Variants in TRNAU1AP observed in about 807,000 individuals in gnomAD.
TRNAU1AP encodes tRNA selenocysteine 1-associated protein 1.
Under a neutral mutation model 43.3 loss-of-function variants are expected in TRNAU1AP, and 33 were observed. The observed-to-expected ratio is 0.76, with a 90% CI of 0.58 to 1.02. The LOEUF (loss-of-function observed/expected upper bound fraction) is 1.02. Ranked by LOEUF, TRNAU1AP falls within the 50% of genes least tolerant of loss-of-function variation. The pLI is 0.00. For synonymous variants in TRNAU1AP, 143 were observed against 129.1 expected (o/e 1.11, Z -0.73); for missense variants, 290 against 362.7 (o/e 0.80, Z 1.63).
At chr1:28,563,661 G>T (rs565437916) in intron 4 of TRNAU1AP, among the ~76,000 whole-genome samples, 2 of 151,968 alleles carry the variant, frequency 1.3e-5, no homozygotes, top group African/African-American at 2.4e-5. Context: ...TCCAGCTTAG[G>T]GGACAGAGCG....
At position 28,577,773 on chromosome 1, in the gene TRNAU1AP, C is replaced by T. The variant is rs1665832178; in HGVS notation, c.*137C>T. The T allele has an allele frequency of 5.0e-5, 47 of 938,988 alleles. No homozygotes were observed. The highest frequency in any genetic ancestry group is 7.5e-5 in the Non-Finnish European group (47 of 629,534). 58.2% of individuals were successfully genotyped at this position (938,988 alleles called of 1,614,324 possible). ...TTTTTGGAGATCATGAATGTTTCTA[C>T]AACACTGCTGCATTCATTTGACCAT... On this transcript the variant is annotated 3_prime_UTR_variant, in exon 9 of 9. Coordinates refer to ENST00000373830, the MANE Select transcript of TRNAU1AP (RefSeq NM_017846.5).
At chr1:28,557,523 A>ACTATATT (rs1168875389) in intron 2 of TRNAU1AP, among the ~76,000 whole-genome samples, 1 of 145,522 alleles carries the variant, frequency 6.9e-6, no homozygotes, top group African/African-American at 2.6e-5. Context: ...TGTCACCCAG[A>ACTATATT]CTATATTACA....
At chr1:28,553,330 G>T in intron 1 of TRNAU1AP, 193 bp downstream of exon 1, 3 of 748,462 alleles carry the variant, frequency 4.0e-6, no homozygotes, top group Non-Finnish European at 6.5e-6. Context: ...AGGGGTCCTG[G>T]GGCCCCACCT....
At chr1:28,575,461 TTTTG>T (rs1157398853) in intron 8 of TRNAU1AP, among the ~76,000 whole-genome samples, 2 of 150,976 alleles carry the variant, frequency 1.3e-5, no homozygotes, top group Non-Finnish European at 2.9e-5. Flanking sequence ...CAATGTTTTT[TTTTG>T]TTTTTTTTTT....
intron 1 of TRNAU1AP, 68 bp downstream of exon 1, chr1:28,553,205 T>A (rs1665174351): frequency 3.5e-6 from 5 of 1,417,248 alleles, no homozygotes; most frequent in Non-Finnish European, 4.7e-6. Context: ...AGAGGAAGGA[T>A]CTGAGTGGGA....
intron 5 of TRNAU1AP, among the ~76,000 whole-genome samples, chr1:28,566,711 A>G (rs1473881529): frequency 6.6e-6 from 1 of 151,792 alleles, no homozygotes; most frequent in East Asian, 1.9e-4. Context: ...GTGAGCCGAG[A>G]TCACGCCATT....
rs1665837278 is a variant in TRNAU1AP at position 28,577,939 on chromosome 1, C to T, written c.*303C>T. ...GGGATGAGCAGCTTGGGATAATTCA[C>T]ACACTAAAGCCTGAGTTCAAGGTTT... On this transcript the variant is annotated 3_prime_UTR_variant, in exon 9 of 9. Transcript: ENST00000373830. 8.7e-6 allele frequency: 2 copies of T among 230,280 alleles called. No homozygotes were observed. The highest frequency in any genetic ancestry group is 1.7e-5 in the Non-Finnish European group (2 of 117,452). The allele number at this position is 230,280 out of a possible 1,614,324, so 14.3% of individuals were successfully genotyped here. A position where few individuals can be genotyped will look rare whatever the true frequency, so the allele number is the denominator to read the frequency against.
intron 4 of TRNAU1AP, among the ~76,000 whole-genome samples, chr1:28,562,615 C>G (rs1665436230): frequency 6.6e-6 from 1 of 150,824 alleles, no homozygotes; most frequent in African/African-American, 2.4e-5. Flanking sequence ...GAGTCTCACT[C>G]TGTTGCCCAG....
chr1:28,565,109 A>C, intron 5 of TRNAU1AP: 1 of 410,284 alleles, frequency 2.4e-6, no homozygotes, highest in East Asian at 5.7e-5. Flanking sequence ...GATATAATAT[A>C]AGTAAGTCAC....
At chr1:28,573,434 A>T (rs1052058487) in intron 8 of TRNAU1AP, among the ~76,000 whole-genome samples, 5 of 151,660 alleles carry the variant, frequency 3.3e-5, no homozygotes, top group Admixed American at 2.0e-4. Context: ...AGGTTAAGAG[A>T]TCGAGACCAT....
chr1:28,564,014 C>T (rs1465529247), intron 4 of TRNAU1AP, among the ~76,000 whole-genome samples: 5 of 152,108 alleles, frequency 3.3e-5, no homozygotes, highest in Non-Finnish European at 7.4e-5. Context: ...CCTGTAATCC[C>T]AGCACTTTGG....
rs540324017 is a variant in TRNAU1AP, at chr1:28,575,606, GCATGCGCCAT to G, written c.728-1888_728-1879del. Among the ~76,000 whole-genome samples, 493 of 149,678 alleles carry G rather than the reference GCATGCGCCAT, an allele frequency of 3.3e-3. 2 individuals carry two copies. The highest frequency in any genetic ancestry group is 0.012 in the African/African-American group (471 of 40,654). On this transcript the variant is annotated intron_variant, in intron 8 of 8. Coordinates refer to ENST00000373830, the MANE Select transcript of TRNAU1AP (RefSeq NM_017846.5). ...GCCTCCCGAGTAGCTGGGATTACAG[GCATGCGCCAT>G]CATGCCCAGCTAATTTTCTTTTTTT...
chr1:28,553,405 C>T (rs1331073005), intron 1 of TRNAU1AP: 3 of 621,446 alleles, frequency 4.8e-6, no homozygotes, highest in African/African-American at 3.7e-5. Context: ...AGGACTGAGG[C>T]GCGCTGTTCT....
In TRNAU1AP at chr1:28,568,057, G is replaced by A. The variant is rs569265256; in HGVS notation, c.530+644G>A. On this transcript the variant is annotated intron_variant, in intron 6 of 8. Transcript: ENST00000373830. ...TGCATGCCTGTAGTCCCAACAACTC[G>A]GGAGGCTGAGGCAGGAGAATCGCTT... Among the ~76,000 whole-genome samples, 422 of 152,208 alleles carry A rather than the reference G, an allele frequency of 2.8e-3. 8 individuals are homozygous for A. Among genetic ancestry groups the A allele is most frequent in the Middle Eastern group, 6.8e-3 (2 of 294 alleles).
intron 2 of TRNAU1AP, among the ~76,000 whole-genome samples, chr1:28,559,286 C>T (rs1038726265): frequency 4.6e-5 from 7 of 151,844 alleles, no homozygotes; most frequent in Non-Finnish European, 8.8e-5. Context: ...TTTTTTTCCT[C>T]ATACTATTTA....
intron 3 of TRNAU1AP, chr1:28,561,003 C>G (rs1665393363): frequency 7.8e-7 from 1 of 1,281,752 alleles, no homozygotes; most frequent in African/African-American, 1.5e-5. Flanking sequence ...TTGCTGCCTC[C>G]CATAACCGAA....
chr1:28,554,444 C>T (rs189289583), intron 2 of TRNAU1AP, among the ~76,000 whole-genome samples: 8 of 152,168 alleles, frequency 5.3e-5, no homozygotes, highest in African/African-American at 1.7e-4. Flanking sequence ...AGTCAGATTA[C>T]GATCTGCTGA....
Position 28,571,877 on chromosome 1 carries a change from A to C in TRNAU1AP, c.704A>C (p.Glu235Ala). 1.2e-6 allele frequency: 2 copies of C among 1,613,400 alleles called. No individual in the cohort carries two copies. Residue 235 changes from glutamate to alanine, a missense_variant, in exon 8 of 9, where the codon GAA (glutamate) becomes GCA (alanine). By Grantham distance (107) the Glu-to-Ala change is moderately radical (BLOSUM62 -1). Around this residue, in one of 3 missense-constraint regions of TRNAU1AP, gnomAD observed 174 missense variants for 262.1 expected, o/e 0.66. Coordinates refer to ENST00000373830, the MANE Select transcript of TRNAU1AP (RefSeq NM_017846.5). ...YTQSTMQTYE[E>A]VGDDALEDPM... Reference sequence around the variant, plus strand: ...CTGGTCTCTTGGCAGACATATGAAGAAGTTGGAGATGATGCATTGGAAGGT... The same window carrying C: ...CTGGTCTCTTGGCAGACATATGAAGCAGTTGGAGATGATGCATTGGAAGGT...
At chr1:28,577,467 A>G (rs1448105463) in intron 8 of TRNAU1AP, 33 bp from the exon 9 acceptor site, 2 of 1,610,066 alleles carry the variant, frequency 1.2e-6, no homozygotes, top group Non-Finnish European at 1.7e-6. Flanking sequence ...CTGTCCCTAG[A>G]CTTCCCTGAC....
Sources: allele counts gnomAD v4.1 joint callset (sites outside exome capture counted in the v4.1 genomes callset), GRCh38; gene constraint gnomAD v4.1.1; regional missense constraint gnomAD v4.1.1; transcripts MANE v1.5; gene names NCBI Gene and HGNC (gene_info 2026-07-23, HGNC 2026-07-21).